Variants in NAPG observed in about 807,000 individuals in gnomAD.
NAPG encodes gamma-soluble NSF attachment protein.
A neutral mutation model predicts 48.4 loss-of-function variants in NAPG; 25 were observed. The ratio of observed to expected loss-of-function variants is 0.52; its 90% CI spans 0.38 to 0.72. NAPG has a LOEUF of 0.72. NAPG is among the 30% of genes least tolerant of loss of function. The pLI is 0.00. For missense variants in NAPG, 359 were observed against 372.5 expected, an observed-to-expected ratio of 0.96 and a Z score of 0.30; for synonymous variants, 139 against 127.2, an observed-to-expected ratio of 1.09 and a Z score of -0.62.
In NAPG at chr18:10,552,693, G is replaced by A. The variant is rs558938773; in HGVS notation, c.*2473G>A. On this transcript the variant is annotated 3_prime_UTR_variant, in exon 12 of 12. Coordinates refer to ENST00000322897, the MANE Select transcript of NAPG (RefSeq NM_003826.3). Reference sequence around the variant, plus strand: ...CTCTGATGAGTAGAATATTAAATGTGTTGTTATGGAAATACAGATTATTGC... The same window carrying A: ...CTCTGATGAGTAGAATATTAAATGTATTGTTATGGAAATACAGATTATTGC... 4 of 152,134 alleles carry A rather than the reference G, an allele frequency of 2.6e-5. No individual in the cohort carries two copies. The highest frequency in any genetic ancestry group is 7.2e-5 in the African/African-American group (3 of 41,400). 9.4% of individuals were successfully genotyped at this position (152,134 alleles called of 1,614,324 possible).
chr18:10,526,207 C>T (rs1345697113), intron 1 of NAPG, 49 bp downstream of exon 1: 2 of 1,414,700 alleles, frequency 1.4e-6, no homozygotes, highest in East Asian at 4.6e-5. Flanking sequence ...GGGTCCGTCT[C>T]TCACTGGCGC....
chr18:10,536,301 C>A lies in NAPG; in HGVS notation c.258+1805C>A, dbSNP rs537176711. On this transcript the variant is annotated intron_variant, in intron 5 of 11. Transcript: ENST00000322897. ...AAATGCCTTTGGACACTGTTGGGAG[C>A]ACAGGACCCCTGAGCTACGTGGTCC... Among the ~76,000 whole-genome samples the A allele has an allele frequency of 1.1e-4, 16 of 152,308 alleles. 1 individual carries two copies. In the East Asian group the frequency reaches 3.1e-3, roughly 29 times the overall value.
At chr18:10,532,679 A>C in intron 2 of NAPG, 32 bp from the exon 3 acceptor site, 1 of 1,518,930 alleles carries the variant, frequency 6.6e-7, no homozygotes. Flanking sequence ...GTTTTTAATG[A>C]TGGAAATAGT....
Position 10,540,014 on chromosome 18 carries a change from AG to A in NAPG, c.397del (p.Ala133LeufsTer25). On this transcript the variant is annotated frameshift_variant, in exon 7 of 12. Transcript: ENST00000322897. LOFTEE classifies it high-confidence loss of function. ...CTTATAGAAAATGTTGATCCAGAGA[AG>A]GCTGTACAGTTATATCAACAGACAG... The part of the protein sequence containing the change: ...GKLIENVDPE[K>X]AVQLYQQTAN... 1 of 1,598,068 alleles carries A rather than the reference AG, an allele frequency of 6.3e-7. No homozygotes were observed. The highest frequency in any genetic ancestry group is 1.1e-5 in the South Asian group (1 of 89,060).
chr18:10,532,191 T>C (rs888603583), intron 2 of NAPG, among the ~76,000 whole-genome samples: 3 of 151,986 alleles, frequency 2.0e-5, no homozygotes, highest in African/African-American at 7.3e-5. Context: ...TTTTCATAGA[T>C]AGTAAACAGT....
At chr18:10,532,942 A>G (rs641723) in intron 3 of NAPG, 147 bp downstream of exon 3, 256,822 of 699,988 alleles carry the variant, frequency 0.37, 48,132 homozygotes, top group African/African-American at 0.5. Flanking sequence ...TTTTTAAACT[A>G]TGAAGGAGCG....
chr18:10,528,952 C>A (rs1408638292), intron 1 of NAPG, among the ~76,000 whole-genome samples: 1 of 152,202 alleles, frequency 6.6e-6, no homozygotes, highest in Non-Finnish European at 1.5e-5. Flanking sequence ...TTGATCCCCA[C>A]ACAGATGGTA....
intron 2 of NAPG, among the ~76,000 whole-genome samples, chr18:10,531,811 A>AT (rs755379280): frequency 1.3e-5 from 2 of 152,212 alleles, no homozygotes; most frequent in South Asian, 4.1e-4. Flanking sequence ...GAGATCATGA[A>AT]TTACATTCAA....
At chr18:10,540,229 C>G in intron 7 of NAPG, 100 bp from the exon 8 acceptor site, 2 of 1,145,008 alleles carry the variant, frequency 1.7e-6, no homozygotes, top group Non-Finnish European at 1.3e-6. Flanking sequence ...GTGTTCCCCC[C>G]TTGATCCAGT....
In NAPG at chr18:10,544,582, G is replaced by A. The variant is rs189341117; in HGVS notation, c.507-1744G>A. Among the ~76,000 whole-genome samples the A allele has an allele frequency of 1.2e-3, 181 of 152,294 alleles. No homozygotes were observed. Among genetic ancestry groups the A allele is most frequent in the African/African-American group, 4.2e-3 (174 of 41,550 alleles). ...GTTTGCTGCTAATTCGAGACATCAG[G>A]AGTACTCTGGCCTCTAACTTAAGGA... On this transcript the variant is annotated intron_variant, in intron 8 of 11. Coordinates refer to ENST00000322897, the MANE Select transcript of NAPG (RefSeq NM_003826.3). The surrounding 1 kb of genome is among the most constrained non-coding windows in gnomAD (Gnocchi z 5.1).
intron 2 of NAPG, among the ~76,000 whole-genome samples, chr18:10,531,146 T>G (rs556661605): frequency 3.2e-4 from 49 of 152,292 alleles, no homozygotes; most frequent in African/African-American, 1.2e-3. Context: ...ACCATATCCA[T>G]GAGTTTTGCC....
At chr18:10,536,320 G>A (rs769034622) in intron 5 of NAPG, among the ~76,000 whole-genome samples, 2 of 152,176 alleles carry the variant, frequency 1.3e-5, no homozygotes, top group Non-Finnish European at 2.9e-5. Flanking sequence ...CCTGAGCTAC[G>A]TGGTCCACAA....
chr18:10,538,966 G>A (rs751684932), intron 5 of NAPG, among the ~76,000 whole-genome samples: 1 of 152,164 alleles, frequency 6.6e-6, no homozygotes, highest in Non-Finnish European at 1.5e-5. Context: ...TCTCACGCCA[G>A]TCAGAATGGT....
intron 2 of NAPG, among the ~76,000 whole-genome samples, chr18:10,532,011 A>G (rs1201310284): frequency 2.0e-5 from 3 of 152,182 alleles, no homozygotes; most frequent in African/African-American, 4.8e-5. Context: ...GTTTTTAACA[A>G]ATAGCACTTT....
chr18:10,549,784 T>C (rs565490437), intron 11 of NAPG, among the ~76,000 whole-genome samples: 151 of 152,310 alleles, frequency 9.9e-4, no homozygotes, highest in Non-Finnish European at 1.8e-3. Context: ...TATAATGATA[T>C]ATGTAGATAA....
intron 7 of NAPG, 94 bp from the exon 8 acceptor site, chr18:10,540,235 C>T (rs2032123320): frequency 1.7e-6 from 2 of 1,166,544 alleles, no homozygotes; most frequent in African/African-American, 1.5e-5. Context: ...CCCCCTTGAT[C>T]CAGTGCCATT....
At chr18:10,526,935 A>G (rs1326761773) in intron 1 of NAPG, among the ~76,000 whole-genome samples, 4 of 152,042 alleles carry the variant, frequency 2.6e-5, no homozygotes, top group African/African-American at 7.2e-5. Flanking sequence ...CACGTCTGCA[A>G]TCCCAGCACT....
chr18:10,549,136 G>C (rs1567895159), intron 11 of NAPG, 40 bp downstream of exon 11: 2 of 1,571,166 alleles, frequency 1.3e-6, no homozygotes, highest in South Asian at 2.4e-5. Context: ...CTTTTCTCTT[G>C]AAAGAAAGAG....
chr18:10,539,891 GTC>G lies in NAPG; in HGVS notation c.368+24_368+25del, dbSNP rs1163883329. On this transcript the variant is annotated intron_variant, in intron 6 of 11. Transcript: ENST00000322897. The surrounding 1 kb of genome is among the most constrained non-coding windows in gnomAD (Gnocchi z 4.7). The stretch of plus-strand genomic sequence containing the variant: ...TGGAAAGTGAGTGTGAGATGGACAA[GTC>G]TCTGCATAGAAGTCTTGTCTTTTTG... The G allele has an allele frequency of 6.2e-7, 1 of 1,612,612 alleles. No homozygotes were observed. Among genetic ancestry groups the G allele is most frequent in the Non-Finnish European group, 8.5e-7 (1 of 1,178,856 alleles).
Sources: gnomAD v4.1 joint callset for allele counts (sites outside exome capture counted in the v4.1 genomes callset) on GRCh38, gnomAD v4.1.1 for gene constraint, Gnocchi (gnomAD v3.1) non-coding constraint, MANE v1.5 for transcripts, NCBI Gene and HGNC (gene_info 2026-07-23, HGNC 2026-07-21) for gene names.